The following CENPF variants were observed in gnomAD, a reference collection of about 807,000 sequenced individuals.
CENPF encodes the protein AH antigen.
A neutral mutation model predicts 307.3 loss-of-function variants in CENPF; 214 were observed. That is an observed-to-expected ratio of 0.70 (90% CI 0.62 to 0.78). CENPF has a LOEUF of 0.78. CENPF is among the 30% of genes least tolerant of loss of function. The probability of loss-of-function intolerance (pLI) is 0.00; values close to 1 mark genes in which losing one functional copy is unlikely to be tolerated. For missense variants in CENPF, 3,401 were observed against 3,483.9 expected (o/e 0.98, Z 0.60); for synonymous variants, 1,259 against 1,270.6 (o/e 0.99, Z 0.19).
chr1:214,616,608 A>T (rs1657344291), intron 3 of CENPF, among the ~76,000 whole-genome samples: 1 of 152,240 alleles, frequency 6.6e-6, no homozygotes, highest in Admixed American at 6.5e-5. Flanking sequence ...GTTAAATTAA[A>T]TATTAATTTT....
chr1:214,629,301 G>A (rs1003739544), intron 8 of CENPF, 130 bp downstream of exon 8: 2 of 837,074 alleles, frequency 2.4e-6, no homozygotes, highest in Non-Finnish European at 3.5e-6. Context: ...TGCTTTGTGA[G>A]CTAAAGGTCA....
intron 13 of CENPF, 83 bp from the exon 14 acceptor site, chr1:214,648,592 G>A: frequency 1.2e-5 from 18 of 1,441,318 alleles, no homozygotes; most frequent in Non-Finnish European, 1.7e-5. Context: ...AAAATAAATG[G>A]CATGAATATG....
At chr1:214,656,331 T>G (rs555508898) in intron 17 of CENPF, among the ~76,000 whole-genome samples, 1 of 152,304 alleles carries the variant, frequency 6.6e-6, no homozygotes, top group Non-Finnish European at 1.5e-5. Flanking sequence ...GAAACAGTGC[T>G]CAGGGTAGAT....
Position 214,642,536 on chromosome 1 carries a change from G to A in CENPF, c.4198G>A (p.Val1400Ile), listed in dbSNP as rs1658154908. 1.2e-6 allele frequency: 2 copies of A among 1,611,752 alleles called. No homozygotes were observed. Among genetic ancestry groups the A allele is most frequent in the South Asian group, 1.1e-5 (1 of 90,630 alleles). Residue 1400 changes from valine (V) to isoleucine (I), a missense_variant, in exon 12 of 20, where the codon GTT (valine) becomes ATT (isoleucine). By Grantham distance (29) the Val-to-Ile change is conservative (BLOSUM62 3). Coordinates refer to ENST00000366955, the MANE Select transcript of CENPF (RefSeq NM_016343.4). ...YEHLTLSDKE[V>I]QMHFAELQEK... ...GCACTTGACATTGTCAGACAAAGAA[G>A]TTCAAATGCACTTTGCCGAATTGCA...
Position 214,645,780 on chromosome 1 carries a change from G to A in CENPF, c.6210G>A (p.Lys2070=), listed in dbSNP as rs1292115489. The change falls in exon 13 of 20, where the codon AAG becomes AAA. Residue 2070 remains lysine, a synonymous_variant. Coordinates refer to ENST00000366955, the MANE Select transcript of CENPF (RefSeq NM_016343.4). The part of the protein sequence containing the change: ...QLNKEKELLV[K]ESESLQARLS... ...ATAAAGAGAAAGAATTGCTTGTCAAGGAATCTGAAAGCCTGCAGGCCAGAC... is the reference window on the plus strand; with the variant it reads ...ATAAAGAGAAAGAATTGCTTGTCAAAGAATCTGAAAGCCTGCAGGCCAGAC... 1.2e-6 allele frequency: 2 copies of A among 1,614,088 alleles called. No homozygotes were observed. The highest frequency in any genetic ancestry group is 1.7e-6 in the Non-Finnish European group (2 of 1,180,042).
chr1:214,605,802 G>A lies in CENPF; in HGVS notation c.-42+2481G>A, dbSNP rs1307782397. ...AGCGGCTCCACCGCCTTGGGGCAGC[G>A]CTCGTAGAGCGCCAGCCCGTGCGAG... On this transcript the variant is annotated intron_variant, in intron 1 of 19. Coordinates refer to ENST00000366955, the MANE Select transcript of CENPF (RefSeq NM_016343.4). 9 of 1,590,222 alleles carry A rather than the reference G, an allele frequency of 5.7e-6. No individual in the cohort carries two copies. The South Asian group carries it at 6.7e-5, about 12-fold the overall frequency.
intron 3 of CENPF, among the ~76,000 whole-genome samples, chr1:214,617,344 G>A (rs1438441650): frequency 2.0e-5 from 3 of 152,092 alleles, no homozygotes; most frequent in African/African-American, 4.8e-5. Flanking sequence ...CACTGGGCCC[G>A]GCATTACTTT....
At chr1:214,608,760 G>A (rs1657111729) in intron 1 of CENPF, 1 of 1,600,350 alleles carries the variant, frequency 6.2e-7, no homozygotes. Context: ...GCGGCAGGAA[G>A]GCGAGCTTGG....
At chr1:214,606,914 C>T (rs1657049756) in intron 1 of CENPF, among the ~76,000 whole-genome samples, 1 of 152,284 alleles carries the variant, frequency 6.6e-6, no homozygotes, top group African/African-American at 2.4e-5. Context: ...AGGCTCTGAT[C>T]CCAGGCAGAT....
chr1:214,661,595 A>G (rs1179333366), intron 19 of CENPF, among the ~76,000 whole-genome samples: 1 of 152,136 alleles, frequency 6.6e-6, no homozygotes, highest in Non-Finnish European at 1.5e-5. Context: ...ATCATTCTCT[A>G]TTATGTCACT....
In CENPF at chr1:214,657,108, T is replaced by C. The variant is rs1426847040; in HGVS notation, c.8661T>C (p.His2887=). 6.2e-7 allele frequency: 1 copy of C among 1,614,068 alleles called. No individual in the cohort carries two copies. ...AKEMLETQVA[H]LCSQQSKQDS... is the part of the protein sequence containing the mutation. Reference sequence around the variant, plus strand: ...AGATGTTAGAGACACAAGTGGCCCATCTGTGTTCACAGCAATCTAAACAAG... The same window carrying C: ...AGATGTTAGAGACACAAGTGGCCCACCTGTGTTCACAGCAATCTAAACAAG... Residue 2887 remains histidine (H), a synonymous_variant, in exon 18 of 20, where the codon CAT becomes CAC. Transcript: ENST00000366955.
rs448989 is a variant in CENPF at position 214,655,624 on chromosome 1, A to G, written c.8485+221A>G. Among the ~76,000 whole-genome samples the G allele has an allele frequency of 0.63, 95,947 of 151,988 alleles. 31,161 individuals carry two copies. The highest frequency in any genetic ancestry group is 0.88 in the East Asian group (4,544 of 5,176). ...TTTTTTGTTTCGTTTTTGAGACAGG[A>G]TCTTGCTGTGTCACCCAGGTGGGAG... On this transcript the variant is annotated intron_variant, in intron 17 of 19. Coordinates refer to ENST00000366955, the MANE Select transcript of CENPF (RefSeq NM_016343.4).
At chr1:214,609,408 A>C (rs1274822058) in intron 1 of CENPF, among the ~76,000 whole-genome samples, 1 of 152,148 alleles carries the variant, frequency 6.6e-6, no homozygotes, top group African/African-American at 2.4e-5. Flanking sequence ...CTATGATGGG[A>C]AACTATGGCC....
At chr1:214,608,870 CG>C in intron 1 of CENPF, 1 of 1,403,608 alleles carries the variant, frequency 7.1e-7, no homozygotes, top group Non-Finnish European at 9.3e-7. Context: ...AGGCCCCCAC[CG>C]GGGCCCCAGC....
chr1:214,648,030 G>A, intron 13 of CENPF: 3 of 467,032 alleles, frequency 6.4e-6, no homozygotes, highest in Middle Eastern at 4.4e-4. Context: ...TTAAGTTTTG[G>A]CCCAGTGAGC....
At chr1:214,619,290 T>C in intron 5 of CENPF, 70 bp downstream of exon 5, 1 of 803,456 alleles carries the variant, frequency 1.2e-6, no homozygotes, top group South Asian at 1.8e-5. Context: ...TAGAACAAGG[T>C]TAGAGAAAAA....
intron 10 of CENPF, among the ~76,000 whole-genome samples, 160 bp from the exon 11 acceptor site, chr1:214,637,706 G>A (rs1658000285): frequency 6.6e-6 from 1 of 152,128 alleles, no homozygotes; most frequent in Non-Finnish European, 1.5e-5. Context: ...CATTATTTAA[G>A]TAAGAATGTC....
chr1:214,644,839 T>C lies in CENPF; in HGVS notation c.5269T>C (p.Leu1757=), dbSNP rs906396652. The C allele has an allele frequency of 6.2e-6, 10 of 1,613,954 alleles. No individual in the cohort carries two copies. The highest frequency in any genetic ancestry group is 8.5e-6 in the Non-Finnish European group (10 of 1,180,008). ...ATTGTCATTTTCTGGTCCTAATGCT[T>C]TGGTACCTATGGATTTCCTGGGGAA... The part of the protein sequence containing the change: ...SELSFSGPNA[L]VPMDFLGNQE... The change falls in exon 13 of 20, where the codon TTG becomes CTG. Residue 1757 remains leucine, a synonymous_variant. Coordinates refer to ENST00000366955, the MANE Select transcript of CENPF (RefSeq NM_016343.4).
At chr1:214,661,616 A>G (rs1217641171) in intron 19 of CENPF, among the ~76,000 whole-genome samples, 1 of 152,226 alleles carries the variant, frequency 6.6e-6, no homozygotes, top group Non-Finnish European at 1.5e-5. Flanking sequence ...GGGATGGATT[A>G]GCTCAGGAAC....
Sources: allele counts gnomAD v4.1 joint callset (sites outside exome capture counted in the v4.1 genomes callset), GRCh38; gene constraint gnomAD v4.1.1; transcripts MANE v1.5; gene names NCBI Gene and HGNC (gene_info 2026-07-23, HGNC 2026-07-21).